The following SGCZ variants were observed in gnomAD, a reference collection of about 807,000 sequenced individuals.
SGCZ encodes the protein zeta-sarcoglycan.
A neutral mutation model predicts 41.3 loss-of-function variants in SGCZ; 40 were observed. The ratio of observed to expected loss-of-function variants is 0.97; its 90% CI spans 0.75 to 1.26. The LOEUF (loss-of-function observed/expected upper bound fraction) is 1.26. Among genes scored for constraint, SGCZ ranks in the 50% most tolerant of loss-of-function variants. The pLI is 0.00. For missense variants in SGCZ, 552 were observed against 369.8 expected, an observed-to-expected ratio of 1.49 and a Z score of -4.04; for synonymous variants, 206 against 137.5, an observed-to-expected ratio of 1.50 and a Z score of -3.49.
intron 1 of SGCZ, among the ~76,000 whole-genome samples, chr8:15,042,192 A>T (rs974438179): frequency 6.6e-6 from 1 of 152,124 alleles, no homozygotes; most frequent in African/African-American, 2.4e-5. Flanking sequence ...AAAGTTACCT[A>T]CAGAAAAGTC....
chr8:15,023,242 C>G (rs1473940376), intron 1 of SGCZ, among the ~76,000 whole-genome samples: 1 of 152,124 alleles, frequency 6.6e-6, no homozygotes, highest in Non-Finnish European at 1.5e-5. Flanking sequence ...CTTTGGTGCA[C>G]AAGTTTAAGA....
At chr8:14,188,389 G>A (rs538056878) in intron 4 of SGCZ, among the ~76,000 whole-genome samples, 39 of 152,086 alleles carry the variant, frequency 2.6e-4, no homozygotes, top group African/African-American at 8.0e-4. Context: ...GCAGTGATAC[G>A]TACTGCAACA....
At chr8:14,263,468 G>C (rs988887994) in intron 3 of SGCZ, among the ~76,000 whole-genome samples, 1 of 152,072 alleles carries the variant, frequency 6.6e-6, no homozygotes, top group African/African-American at 2.4e-5. Context: ...AGAATCACTT[G>C]AACCCAGGAG....
intron 1 of SGCZ, among the ~76,000 whole-genome samples, chr8:14,807,714 G>A (rs992022726): frequency 6.6e-6 from 1 of 151,700 alleles, no homozygotes; most frequent in Non-Finnish European, 1.5e-5. Flanking sequence ...TTTCTTCACA[G>A]AATTGGAAAA....
intron 1 of SGCZ, among the ~76,000 whole-genome samples, chr8:15,113,511 C>A (rs745522451): frequency 6.6e-6 from 1 of 152,118 alleles, no homozygotes; most frequent in Non-Finnish European, 1.5e-5. Context: ...TCATCAGTAA[C>A]CAAATGCAAT....
chr8:14,664,474 G>A (rs186417983), intron 1 of SGCZ, among the ~76,000 whole-genome samples: 1 of 152,310 alleles, frequency 6.6e-6, no homozygotes, highest in Non-Finnish European at 1.5e-5. Flanking sequence ...CTGTTTAGCA[G>A]AGTATATAGG....
At chr8:14,764,424 T>C (rs754895787) in intron 1 of SGCZ, among the ~76,000 whole-genome samples, 1 of 152,228 alleles carries the variant, frequency 6.6e-6, no homozygotes, top group Non-Finnish European at 1.5e-5. Context: ...TGATCACACA[T>C]GGCTTCTTCA....
chr8:14,890,395 G>C (rs1274966704), intron 1 of SGCZ, among the ~76,000 whole-genome samples: 2 of 152,188 alleles, frequency 1.3e-5, no homozygotes, highest in Non-Finnish European at 2.9e-5. Context: ...TTTTGATATA[G>C]AGACAGCTTT....
At chr8:14,304,995 G>A (rs1020743669) in intron 3 of SGCZ, among the ~76,000 whole-genome samples, 1 of 152,104 alleles carries the variant, frequency 6.6e-6, no homozygotes, top group African/African-American at 2.4e-5. Context: ...ATGATTACAT[G>A]AAAATCTTTA....
chr8:14,422,275 C>G (rs1563318878), intron 2 of SGCZ, among the ~76,000 whole-genome samples: 1 of 152,106 alleles, frequency 6.6e-6, no homozygotes, highest in Non-Finnish European at 1.5e-5. Context: ...AACAGCAATA[C>G]AAGGAGTCTG....
intron 1 of SGCZ, among the ~76,000 whole-genome samples, chr8:15,171,537 C>A (rs1327198249): frequency 1.3e-5 from 2 of 152,200 alleles, no homozygotes; most frequent in East Asian, 3.8e-4. Flanking sequence ...AAAGCTACTT[C>A]TCTTTTTAGC....
chr8:14,355,768 G>C (rs982872731), intron 2 of SGCZ, among the ~76,000 whole-genome samples: 1 of 152,006 alleles, frequency 6.6e-6, no homozygotes, highest in African/African-American at 2.4e-5. Context: ...AGTGTACCCA[G>C]TTGTGGGATT....
chr8:15,048,383 TAGAG>T (rs1270159624), intron 1 of SGCZ, among the ~76,000 whole-genome samples: 1 of 151,970 alleles, frequency 6.6e-6, no homozygotes, highest in African/African-American at 2.4e-5. Context: ...AAAATACAGT[TAGAG>T]AGAAGGAATA....
intron 2 of SGCZ, among the ~76,000 whole-genome samples, chr8:14,397,042 C>G (rs1045074229): frequency 2.0e-5 from 3 of 152,078 alleles, no homozygotes; most frequent in African/African-American, 7.2e-5. Context: ...TCAAATTTAT[C>G]ATCTTAAAAT....
intron 1 of SGCZ, among the ~76,000 whole-genome samples, chr8:15,151,959 C>T (rs60770393): frequency 0.024 from 3,620 of 152,206 alleles, 119 homozygotes; most frequent in African/African-American, 0.081. Flanking sequence ...GAAAAGCCAA[C>T]GACCTGACGT....
At chr8:14,172,090 A>G (rs1804400353) in intron 4 of SGCZ, among the ~76,000 whole-genome samples, 2 of 152,176 alleles carry the variant, frequency 1.3e-5, no homozygotes, top group South Asian at 4.1e-4. Flanking sequence ...GGTTTCTGAA[A>G]AAGATGACCA....
intron 1 of SGCZ, among the ~76,000 whole-genome samples, chr8:15,150,657 C>A (rs1314553754): frequency 6.6e-6 from 1 of 152,074 alleles, no homozygotes; most frequent in Non-Finnish European, 1.5e-5. Flanking sequence ...AAACAAGAGG[C>A]AGAGATGAGA....
At chr8:14,414,666 A>G (rs950964680) in intron 2 of SGCZ, among the ~76,000 whole-genome samples, 8 of 152,050 alleles carry the variant, frequency 5.3e-5, no homozygotes, top group Non-Finnish European at 1.2e-4. Context: ...AATGTAATTA[A>G]TCTATCATAA....
At chr8:14,964,519 G>A (rs867149930) in intron 1 of SGCZ, among the ~76,000 whole-genome samples, 20 of 152,232 alleles carry the variant, frequency 1.3e-4, no homozygotes, top group East Asian at 9.6e-4. Context: ...TTTCATTAGC[G>A]CAAACTCTCA....
Sources: gnomAD v4.1 joint callset for allele counts (sites outside exome capture counted in the v4.1 genomes callset) on GRCh38, gnomAD v4.1.1 for gene constraint, MANE v1.5 for transcripts, NCBI Gene and HGNC (gene_info 2026-07-23, HGNC 2026-07-21) for gene names.